Variants in VPS37A observed in about 807,000 individuals in gnomAD.
The protein encoded by VPS37A is vacuolar protein sorting-associated protein 37A.
Under a neutral mutation model 49.8 loss-of-function variants are expected in VPS37A, and 30 were observed. That is an observed-to-expected ratio of 0.60 (90% CI 0.45 to 0.82). The LOEUF is 0.82. Among genes scored for constraint, VPS37A ranks in the 40% least tolerant of loss-of-function variants. The probability of loss-of-function intolerance (pLI) is 0.00; values close to 1 mark genes in which losing one functional copy is unlikely to be tolerated. For synonymous variants in VPS37A, 195 were observed against 160.6 expected (o/e 1.21, Z -1.62); for missense variants, 593 against 464.4 (o/e 1.28, Z -2.55).
At chr8:17,299,986 T>C (rs1381562074), downstream of VPS37A, 5 of 1,614,164 alleles carry the variant, frequency 3.1e-6, no homozygotes, top group East Asian at 2.2e-5. Context: ...TTGGTCACTG[T>C]TGGCTGACAG....
chr8:17,268,502 T>G (rs1813680212), intron 3 of VPS37A, 130 bp downstream of exon 3: 1 of 675,852 alleles, frequency 1.5e-6, no homozygotes, highest in Non-Finnish European at 2.4e-6. Flanking sequence ...AAATTGAATA[T>G]TTAAGACTAC....
intron 9 of VPS37A, among the ~76,000 whole-genome samples, chr8:17,283,128 T>A (rs1405658464): frequency 6.6e-6 from 1 of 152,170 alleles, no homozygotes; most frequent in Non-Finnish European, 1.5e-5. Flanking sequence ...TTTTTATTTA[T>A]GAGTCACAAA....
Position 17,280,388 on chromosome 8 carries a change from C to T in VPS37A, c.914C>T (p.Thr305Ile), listed in dbSNP as rs778809661. The change falls in exon 9 of 12, where the codon ACA becomes ATA. Residue 305 changes from threonine (T) to isoleucine (I), a missense_variant. By Grantham distance (89) the Thr-to-Ile change is moderately conservative. Coordinates refer to ENST00000324849, the MANE Select transcript of VPS37A (RefSeq NM_152415.3). ...QTVLDKYELL[T>I]QMKSTFEKKM... The stretch of plus-strand genomic sequence containing the variant: ...TTTCTCTTTTAGTATGAATTACTTA[C>T]ACAGATGAAGTCCACTTTCGAAAAG... The T allele has an allele frequency of 2.5e-6, 4 of 1,609,582 alleles. No homozygotes were observed. The highest frequency in any genetic ancestry group is 3.4e-6 in the Non-Finnish European group (4 of 1,178,540).
the VPS37A span, among the ~76,000 whole-genome samples, chr8:17,333,140 C>G: frequency 6.6e-6 from 1 of 152,190 alleles, no homozygotes; most frequent in African/African-American, 2.4e-5. Context: ...GTGACATCAG[C>G]TGGGCCACAT....
chr8:17,313,099 C>T, the VPS37A span, among the ~76,000 whole-genome samples: 2 of 152,222 alleles, frequency 1.3e-5, no homozygotes, highest in African/African-American at 4.8e-5. Context: ...AGTGCTGACA[C>T]ACTATCAGCT....
chr8:17,263,734 A>G (rs1386882134), intron 1 of VPS37A, among the ~76,000 whole-genome samples: 1 of 152,212 alleles, frequency 6.6e-6, no homozygotes. Context: ...GCTTGAGGTC[A>G]GGAATTCGAG....
chr8:17,329,307 T>G, the VPS37A span, among the ~76,000 whole-genome samples: 17 of 152,162 alleles, frequency 1.1e-4, no homozygotes, highest in Non-Finnish European at 2.1e-4. Context: ...TAAAAACAGA[T>G]AGTCAAACAT....
At position 17,247,031 on chromosome 8, in the gene VPS37A, C is replaced by T. The variant is rs981759046; in HGVS notation, c.-214C>T. On this transcript the variant is annotated 5_prime_UTR_variant, in exon 1 of 12. Transcript: ENST00000324849. Reference sequence around the variant, plus strand: ...GAAGGTGGGACCTCCTGTTCCGGGCCGCAAGTTTCCCTCTCCAGCCGCCCG... The same window carrying T: ...GAAGGTGGGACCTCCTGTTCCGGGCTGCAAGTTTCCCTCTCCAGCCGCCCG... The T allele has an allele frequency of 1.6e-6, 1 of 628,862 alleles. No individual in the cohort carries two copies. Among genetic ancestry groups the T allele is most frequent in the South Asian group, 2.0e-5 (1 of 51,182 alleles). The allele number at this position is 628,862 out of a possible 1,614,324, so 39.0% of individuals were successfully genotyped here.
chr8:17,287,527 T>C (rs529730717), intron 11 of VPS37A, among the ~76,000 whole-genome samples: 9 of 151,734 alleles, frequency 5.9e-5, no homozygotes, highest in African/African-American at 9.7e-5. Flanking sequence ...ACAAAAAAAA[T>C]ATTAGCCGGG....
the VPS37A span, among the ~76,000 whole-genome samples, chr8:17,321,641 A>G: frequency 6.6e-6 from 1 of 152,350 alleles, no homozygotes; most frequent in East Asian, 1.9e-4. Flanking sequence ...AACTCAGGAT[A>G]AGGCAGAAAT....
At chr8:17,293,318 A>T (rs1365529153) in intron 11 of VPS37A, among the ~76,000 whole-genome samples, 1 of 151,748 alleles carries the variant, frequency 6.6e-6, no homozygotes, top group Non-Finnish European at 1.5e-5. Flanking sequence ...TCATTTATTT[A>T]TGTTCTTCTC....
chr8:17,265,164 G>A (rs1813329451), intron 1 of VPS37A, among the ~76,000 whole-genome samples: 1 of 152,120 alleles, frequency 6.6e-6, no homozygotes, highest in African/African-American at 2.4e-5. Context: ...GTCACTCATG[G>A]TGGAAAATGG....
At chr8:17,321,966 A>G in the VPS37A span, among the ~76,000 whole-genome samples, 6,351 of 152,286 alleles carry the variant, frequency 0.042, 397 homozygotes, top group African/African-American at 0.14. Flanking sequence ...GGTATTTCCT[A>G]TACCACTCTT....
chr8:17,250,357 G>T (rs1027069774), intron 1 of VPS37A, among the ~76,000 whole-genome samples: 2 of 152,176 alleles, frequency 1.3e-5, no homozygotes, highest in Non-Finnish European at 2.9e-5. Flanking sequence ...ACACTTAAAA[G>T]ATTTTTGTGC....
chr8:17,309,478 T>A, the VPS37A span: 1 of 653,008 alleles, frequency 1.5e-6, no homozygotes, highest in Non-Finnish European at 2.8e-6. Context: ...TCCACCCATA[T>A]AGAGATGCAC....
chr8:17,268,199 C>G (rs1214399843), intron 2 of VPS37A, 59 bp from the exon 3 acceptor site: 6 of 1,172,380 alleles, frequency 5.1e-6, no homozygotes, highest in Non-Finnish European at 7.4e-6. Context: ...AAGATTTTGA[C>G]CATATAATGT....
At chr8:17,298,042 T>A (rs1586114746), downstream of VPS37A, 1 of 152,188 alleles carries the variant, frequency 6.6e-6, no homozygotes, top group African/African-American at 2.4e-5. Context: ...TGTCATTTTT[T>A]AAAAAATGTT....
intron 1 of VPS37A, among the ~76,000 whole-genome samples, chr8:17,254,012 T>C (rs1045296373): frequency 4.6e-5 from 7 of 152,242 alleles, no homozygotes; most frequent in African/African-American, 1.7e-4. Flanking sequence ...TGCTGTTGTC[T>C]TTTGTTGTTC....
chr8:17,330,545 C>A, the VPS37A span, among the ~76,000 whole-genome samples: 1 of 152,216 alleles, frequency 6.6e-6, no homozygotes, highest in East Asian at 1.9e-4. Context: ...GGCTGGTTGG[C>A]CACATGAATA....
Sources: gnomAD v4.1 joint callset for allele counts (sites outside exome capture counted in the v4.1 genomes callset) on GRCh38, gnomAD v4.1.1 for gene constraint, MANE v1.5 for transcripts, NCBI Gene and HGNC (gene_info 2026-07-23, HGNC 2026-07-21) for gene names.